ELMO3: variants seen among roughly 807,000 people sequenced by gnomAD.
ELMO3 encodes engulfment and cell motility protein 3.
A neutral mutation model predicts 89.0 loss-of-function variants in ELMO3; 81 were observed. That is an observed-to-expected ratio of 0.91 (90% CI 0.76 to 1.09). ELMO3 has a LOEUF of 1.09. Ranked by LOEUF, ELMO3 falls within the 50% of genes least tolerant of loss-of-function variation. ELMO3 has a pLI of 0.00. For synonymous variants in ELMO3, 406 were observed against 400.6 expected (o/e 1.01, Z -0.16); for missense variants, 959 against 972.8 (o/e 0.99, Z 0.19).
In ELMO3 at chr16:67,200,021, G is replaced by T; in HGVS notation, c.243+20G>T. On this transcript the variant is annotated intron_variant, in intron 4 of 19. Transcript: ENST00000393997. ...GCCCCAGTAATGCCCCTCCCGTCCC[G>T]CCTTCCCCATCCCTGCCCCTTTGCT... 6.2e-7 allele frequency: 1 copy of T among 1,611,478 alleles called. No homozygotes were observed. Among genetic ancestry groups the T allele is most frequent in the Admixed American group, 1.7e-5 (1 of 59,860 alleles).
chr16:67,199,605 C>G lies in ELMO3; in HGVS notation c.119+12C>G. 7 of 1,609,148 alleles carry G rather than the reference C, an allele frequency of 4.4e-6. No individual in the cohort carries two copies. The highest frequency in any genetic ancestry group is 5.9e-6 in the Non-Finnish European group (7 of 1,178,944). On this transcript the variant is annotated intron_variant, in intron 2 of 19. Transcript: ENST00000393997. ...GAGGTGTGCGACGCGTGAGTGCTGC[C>G]GGGCCAGGGCCTGCGGAGGGCGGGA...
chr16:67,199,165 T>C lies in ELMO3; in HGVS notation c.-162T>C, dbSNP rs763431771. On this transcript the variant is annotated 5_prime_UTR_variant, in exon 1 of 20. Coordinates refer to ENST00000393997, the MANE Select transcript of ELMO3 (RefSeq NM_024712.5). The stretch of plus-strand genomic sequence containing the variant: ...CTCGGCTCCCTTGGGAAGGCCGCGT[T>C]GCATGGCCAGGAGCAGCAGTCTGGG... 6.2e-7 allele frequency: 1 copy of C among 1,608,832 alleles called. No individual in the cohort carries two copies. The highest frequency in any genetic ancestry group is 1.1e-5 in the South Asian group (1 of 90,978).
chr16:67,200,786 A>G lies in ELMO3; in HGVS notation c.643A>G (p.Arg215Gly). ...GGTCAAGAGCGAGGTGCCCCTGGATAGGCTGCTGGTGCACCTACAGGTGTA... is the reference window on the plus strand; with the variant it reads ...GGTCAAGAGCGAGGTGCCCCTGGATGGGCTGCTGGTGCACCTACAGGTGTA... ...QLVKSEVPLD[R>G]LLVHLQVMNQ... is the part of the protein sequence containing the mutation. The change falls in exon 7 of 20, where the codon AGG becomes GGG. Residue 215 changes from arginine to glycine, a missense_variant. By Grantham distance (125) the Arg-to-Gly change is moderately radical. Transcript: ENST00000393997. The G allele has an allele frequency of 1.2e-6, 2 of 1,613,246 alleles. No individual in the cohort carries two copies. The highest frequency in any genetic ancestry group is 1.7e-6 in the Non-Finnish European group (2 of 1,179,778).
At position 67,200,219 on chromosome 16, in the gene ELMO3, G is replaced by T. The variant is rs1390699143; in HGVS notation, c.271G>T (p.Gly91Trp). The T allele has an allele frequency of 1.2e-6, 2 of 1,613,284 alleles. No homozygotes were observed. Among genetic ancestry groups the T allele is most frequent in the African/African-American group, 2.7e-5 (2 of 74,948 alleles). The change falls in exon 5 of 20, where the codon GGG becomes TGG. Residue 91 changes from glycine to tryptophan, a missense_variant. By Grantham distance (184) the Gly-to-Trp change is radical (BLOSUM62 -2). Coordinates refer to ENST00000393997, the MANE Select transcript of ELMO3 (RefSeq NM_024712.5). Reference protein sequence around the residue: ...PDLEAEQLLGGLQSNSPEGRR... With the variant: ...PDLEAEQLLGWLQSNSPEGRR... ...CCTTGAGGCTGAGCAGCTCTTGGGT[G>T]GGCTGCAGAGTAACAGTCCTGAAGG...
Position 67,203,547 on chromosome 16 carries a change from A to T in ELMO3, c.1914A>T (p.Glu638Asp). ...TCAGCTATGACCGTGGGGAGGAGGA[A>T]GCGTACCTCAACTTCATTGCCCCCT... is the stretch of plus-strand genomic sequence containing the variant. Reference protein sequence around the residue: ...FSISYDRGEEEAYLNFIAPSK... With the variant: ...FSISYDRGEEDAYLNFIAPSK... The change falls in exon 19 of 20, where the codon GAA becomes GAT. Residue 638 changes from glutamate to aspartate, a missense_variant. Transcript: ENST00000393997. This position sits in a 1 kb window ranked among gnomAD's most constrained non-coding sequence, Gnocchi z 4.6. The T allele has an allele frequency of 6.2e-7, 1 of 1,613,992 alleles. No individual in the cohort carries two copies. Among genetic ancestry groups the T allele is most frequent in the Non-Finnish European group, 8.5e-7 (1 of 1,179,986 alleles).
rs542132503 is a variant in ELMO3, at chr16:67,202,899, C to T, written c.1570C>T (p.Arg524Trp). ...GTLAPPILELREKLKPELMGL... is the reference protein window; with the variant it reads ...GTLAPPILELWEKLKPELMGL... The stretch of plus-strand genomic sequence containing the variant: ...GTGACACCCCTCTATCAGGGAGCTG[C>T]GGGAGAAGCTGAAGCCAGAGCTCAT... Residue 524 changes from arginine to tryptophan, a missense_variant, in exon 16 of 20, where the codon CGG (arginine) becomes TGG (tryptophan). Physicochemically the swap from Arg to Trp is moderately radical, Grantham distance 101. Coordinates refer to ENST00000393997, the MANE Select transcript of ELMO3 (RefSeq NM_024712.5). 2.5e-5 allele frequency: 40 copies of T among 1,612,720 alleles called. No homozygotes were observed. The East Asian group carries it at 5.1e-4, about 21-fold the overall frequency.
chr16:67,202,466 G>T lies in ELMO3; in HGVS notation c.1331G>T (p.Cys444Phe). ...GQDQSFHELF[C>F]VGIQLLNKTW... The stretch of plus-strand genomic sequence containing the variant: ...GACCAGAGCTTCCACGAGCTCTTCT[G>T]TGTGGGCATCCAGCTGTTGAATAAG... Residue 444 changes from cysteine to phenylalanine, a missense_variant, in exon 14 of 20, where the codon TGT becomes TTT. By Grantham distance (205) the Cys-to-Phe change is radical (BLOSUM62 -2). Coordinates refer to ENST00000393997, the MANE Select transcript of ELMO3 (RefSeq NM_024712.5). 6.2e-7 allele frequency: 1 copy of T among 1,613,480 alleles called. No homozygotes were observed. The highest frequency in any genetic ancestry group is 8.5e-7 in the Non-Finnish European group (1 of 1,180,036).
chr16:67,203,640 C>G lies in ELMO3; in HGVS notation c.1951-25C>G, dbSNP rs1224655402. 6.2e-7 allele frequency: 1 copy of G among 1,613,664 alleles called. No homozygotes were observed. Among genetic ancestry groups the G allele is most frequent in the Non-Finnish European group, 8.5e-7 (1 of 1,179,916 alleles). On this transcript the variant is annotated intron_variant, in intron 19 of 19. Transcript: ENST00000393997. The surrounding 1 kb of genome is among the most constrained non-coding windows in gnomAD (Gnocchi z 4.6). Reference sequence around the variant, plus strand: ...GGGCAGGGGAGGCAGATGGGCAGACCCTCACGGCTCTGTGCCACCCCCAGT... The same window carrying G: ...GGGCAGGGGAGGCAGATGGGCAGACGCTCACGGCTCTGTGCCACCCCCAGT...
intron 8 of ELMO3, 75 bp downstream of exon 8, chr16:67,201,043 GC>G (rs151246709): frequency 0.068 from 93,827 of 1,376,106 alleles, 3,553 homozygotes; most frequent in African/African-American, 0.25. Context: ...AATCCTCTAA[GC>G]CCCCCTTTTT....
rs752248886 is a variant in ELMO3 at position 67,199,719 on chromosome 16, AGTTTGCG to A, written c.157_163del (p.Phe53MetfsTer50). 2 of 1,610,992 alleles carry A rather than the reference AGTTTGCG, an allele frequency of 1.2e-6. No individual in the cohort carries two copies. Among genetic ancestry groups the A allele is most frequent in the Non-Finnish European group, 1.7e-6 (2 of 1,179,842 alleles). On this transcript the variant is annotated frameshift_variant, in exon 3 of 20. Coordinates refer to ENST00000393997, the MANE Select transcript of ELMO3 (RefSeq NM_024712.5). LOFTEE classifies it high-confidence loss of function. ...ACGCACTCTGAGCGTTACGCCCTGC[AGTTTGCG>A]GATGGGCACCGGAGATACATCACCG...
chr16:67,200,824 T>TG lies in ELMO3; in HGVS notation c.665+20dup, dbSNP rs2033085559. ...ACCTACAGGTGTAAGCCTCTGGGGCTGGGGTCCAGATGCAGGGAGCAGGGC... is the reference window on the plus strand; with the variant it reads ...ACCTACAGGTGTAAGCCTCTGGGGCTGGGGGTCCAGATGCAGGGAGCAGGGC... On this transcript the variant is annotated intron_variant, in intron 7 of 19. Transcript: ENST00000393997. 23 of 1,613,248 alleles carry TG rather than the reference T, an allele frequency of 1.4e-5. No individual in the cohort carries two copies. Among genetic ancestry groups the TG allele is most frequent in the Non-Finnish European group, 1.9e-5 (23 of 1,179,710 alleles).
chr16:67,202,510 G>T lies in ELMO3; in HGVS notation c.1375G>T (p.Ala459Ser). The T allele has an allele frequency of 6.2e-7, 1 of 1,612,478 alleles. No individual in the cohort carries two copies. Among genetic ancestry groups the T allele is most frequent in the Non-Finnish European group, 8.5e-7 (1 of 1,179,996 alleles). The change falls in exon 14 of 20, where the codon GCT becomes TCT. Residue 459 changes from alanine to serine, a missense_variant. By Grantham distance (99) the Ala-to-Ser change is moderately conservative. Coordinates refer to ENST00000393997, the MANE Select transcript of ELMO3 (RefSeq NM_024712.5). ...LLNKTWKEMR[A>S]TQEDFDKVMQ... ...GAATAAGACCTGGAAGGAGATGCGG[G>T]CTACACAGGAGGACTTCGACAAGGT...
intron 1 of ELMO3, 56 bp from the exon 2 acceptor site, chr16:67,199,497 A>G: frequency 5.7e-6 from 2 of 353,658 alleles, no homozygotes; most frequent in Non-Finnish European, 8.5e-6. Context: ...CCCTCCCCCC[A>G]GGCTCCTCCC....
At position 67,202,643 on chromosome 16, in the gene ELMO3, G is replaced by A. The variant is rs770123138; in HGVS notation, c.1415G>A (p.Arg472Gln). The A allele has an allele frequency of 2.0e-5, 33 of 1,613,464 alleles. No homozygotes were observed. Among genetic ancestry groups the A allele is most frequent in the South Asian group, 6.6e-5 (6 of 91,082 alleles). The change falls in exon 15 of 20, where the codon CGG (arginine) becomes CAG (glutamine). Residue 472 changes from arginine to glutamine, a missense_variant. Coordinates refer to ENST00000393997, the MANE Select transcript of ELMO3 (RefSeq NM_024712.5). Reference sequence around the variant, plus strand: ...CGGCCCCAGGTCATGCAGGTGGTGCGGGAGCAGCTGGCCCGCACTCTGGCC... The same window carrying A: ...CGGCCCCAGGTCATGCAGGTGGTGCAGGAGCAGCTGGCCCGCACTCTGGCC... ...EDFDKVMQVV[R>Q]EQLARTLALK...
In ELMO3 at chr16:67,203,618, C is replaced by T; in HGVS notation, c.1950+35C>T. ...CGCCAGGCTGAGGTCGGCAGGTGGG[C>T]AGGGGAGGCAGATGGGCAGACCCTC... is the stretch of plus-strand genomic sequence containing the variant. On this transcript the variant is annotated intron_variant, in intron 19 of 19. Transcript: ENST00000393997. The surrounding 1 kb of genome is among the most constrained non-coding windows in gnomAD (Gnocchi z 4.6). 1 of 1,613,922 alleles carries T rather than the reference C, an allele frequency of 6.2e-7. No homozygotes were observed. Among genetic ancestry groups the T allele is most frequent in the South Asian group, 1.1e-5 (1 of 91,070 alleles).
chr16:67,202,199 C>T lies in ELMO3; in HGVS notation c.1176C>T (p.Arg392=), dbSNP rs200402288. ...AGTTTGTGTTGGAGAACAGCAGCCG[C>T]GAGGACAAGCACGAGTGCCCCTTTG... The part of the protein sequence containing the change: ...YSRFVLENSS[R]EDKHECPFAR... Residue 392 remains arginine, a synonymous_variant, in exon 13 of 20, where the codon CGC becomes CGT. Transcript: ENST00000393997. 29 of 1,603,108 alleles carry T rather than the reference C, an allele frequency of 1.8e-5. No homozygotes were observed. The highest frequency in any genetic ancestry group is 4.5e-5 in the East Asian group (2 of 44,670).
rs780572116 is a variant in ELMO3, at chr16:67,200,246, C to G, written c.298C>G (p.Arg100Gly). Residue 100 changes from arginine to glycine, a missense_variant, in exon 5 of 20, where the codon CGC (arginine) becomes GGC (glycine). Coordinates refer to ENST00000393997, the MANE Select transcript of ELMO3 (RefSeq NM_024712.5). ...GCTGCAGAGTAACAGTCCTGAAGGG[C>G]GCCGGGAAGCCCTGAGGCGCCTTGT... Reference protein sequence around the residue: ...GGLQSNSPEGRREALRRLVPL... With the variant: ...GGLQSNSPEGGREALRRLVPL... 6 of 1,613,608 alleles carry G rather than the reference C, an allele frequency of 3.7e-6. No individual in the cohort carries two copies.
At position 67,201,547 on chromosome 16, in the gene ELMO3, G is replaced by C. The variant is rs754439840; in HGVS notation, c.823G>C (p.Gly275Arg). The C allele has an allele frequency of 1.2e-6, 2 of 1,614,066 alleles. No individual in the cohort carries two copies. Among genetic ancestry groups the C allele is most frequent in the Non-Finnish European group, 1.7e-6 (2 of 1,180,032 alleles). ...CATCATCCACAGTGCAGCACCAATG[G>C]GCGACGAGATGGCTCATCACCTGTA... Reference protein sequence around the residue: ...KNIIHSAAPMGDEMAHHLYVL... With the variant: ...KNIIHSAAPMRDEMAHHLYVL... The change falls in exon 10 of 20, where the codon GGC (glycine) becomes CGC (arginine). Residue 275 changes from glycine to arginine, a missense_variant. Gly to Arg is a moderately radical substitution (Grantham distance 125). Coordinates refer to ENST00000393997, the MANE Select transcript of ELMO3 (RefSeq NM_024712.5).
chr16:67,203,342 T>C lies in ELMO3; in HGVS notation c.1796T>C (p.Met599Thr), dbSNP rs2033170445. 1.2e-6 allele frequency: 2 copies of C among 1,602,452 alleles called. No homozygotes were observed. The highest frequency in any genetic ancestry group is 1.7e-6 in the Non-Finnish European group (2 of 1,176,290). The change falls in exon 18 of 20, where the codon ATG (methionine) becomes ACG (threonine). Residue 599 changes from methionine (M) to threonine (T), a missense_variant. Physicochemically the swap from Met to Thr is moderately conservative, Grantham distance 81 (BLOSUM62 -1). Transcript: ENST00000393997. The surrounding 1 kb of genome is among the most constrained non-coding windows in gnomAD (Gnocchi z 4.6). Reference sequence around the variant, plus strand: ...CTTCCTGCAGTCCCTGTGGCCGACATGAGGGCACTCCTGACAGGCAAGGAC... The same window carrying C: ...CTTCCTGCAGTCCCTGTGGCCGACACGAGGGCACTCCTGACAGGCAAGGAC... ...SLPEQLPVAD[M>T]RALLTGKDCP...
Sources: allele counts gnomAD v4.1 joint callset, GRCh38; gene constraint gnomAD v4.1.1; non-coding constraint Gnocchi (gnomAD v3.1); transcripts MANE v1.5; gene names NCBI Gene and HGNC (gene_info 2026-07-23, HGNC 2026-07-21).